Variants in CNTNAP5 observed in about 807,000 individuals in gnomAD.
The protein encoded by CNTNAP5 is contactin associated protein family member 5.
Under a neutral mutation model 150.2 loss-of-function variants are expected in CNTNAP5, and 72 were observed. That is an observed-to-expected ratio of 0.48 (90% CI 0.40 to 0.58). The LOEUF (loss-of-function observed/expected upper bound fraction) is 0.58, where lower values mean the gene tolerates loss of function less well. CNTNAP5 is among the 20% of genes least tolerant of loss of function. The probability of loss-of-function intolerance (pLI) is 0.00; values close to 1 mark genes in which losing one functional copy is unlikely to be tolerated. For synonymous variants in CNTNAP5, 672 were observed against 619.8 expected, an observed-to-expected ratio of 1.08 and a Z score of -1.25; for missense variants, 1,636 against 1,626.2, an observed-to-expected ratio of 1.01 and a Z score of -0.10.
At chr2:124,247,219 C>T (rs1009318034) in intron 3 of CNTNAP5, among the ~76,000 whole-genome samples, 2 of 152,028 alleles carry the variant, frequency 1.3e-5, no homozygotes, top group Non-Finnish European at 2.9e-5. Context: ...GTATTTTAAC[C>T]CTACCAATTT....
chr2:124,324,104 T>C (rs1052662038), intron 3 of CNTNAP5, among the ~76,000 whole-genome samples: 34 of 152,228 alleles, frequency 2.2e-4, no homozygotes, highest in Admixed American at 1.8e-3. Flanking sequence ...ATGGGTTAAG[T>C]ACTATGATGG....
At position 124,902,990 on chromosome 2, in the gene CNTNAP5, G is replaced by A. The variant is rs759819813; in HGVS notation, c.3545G>A (p.Arg1182His). Residue 1182 changes from arginine (R) to histidine (H), a missense_variant, in exon 22 of 24, where the codon CGC becomes CAC. Arg to His is a conservative substitution (Grantham distance 29). Transcript: ENST00000682447. ...NHIAPLKAAL[R>H]HATVAPVTVH... ...ATAGCACCACTGAAGGCTGCCCTGC[G>A]CCATGCCACTGTCGCGCCTGTGACT... is the stretch of plus-strand genomic sequence containing the variant. 14 of 1,612,346 alleles carry A rather than the reference G, an allele frequency of 8.7e-6. No individual in the cohort carries two copies. Among genetic ancestry groups the A allele is most frequent in the African/African-American group, 5.3e-5 (4 of 74,912 alleles).
At chr2:124,483,641 C>T (rs968117714) in intron 7 of CNTNAP5, among the ~76,000 whole-genome samples, 5 of 152,222 alleles carry the variant, frequency 3.3e-5, no homozygotes, top group African/African-American at 1.2e-4. Context: ...TTCAGACTCT[C>T]AGTTTCATAA....
At chr2:124,751,613 C>T (rs1480704909) in intron 14 of CNTNAP5, among the ~76,000 whole-genome samples, 1 of 152,142 alleles carries the variant, frequency 6.6e-6, no homozygotes, top group Non-Finnish European at 1.5e-5. Flanking sequence ...ACTGACTTTC[C>T]ACACGTTTCA....
chr2:124,148,961 C>A (rs1558775545), intron 1 of CNTNAP5, among the ~76,000 whole-genome samples: 2 of 151,910 alleles, frequency 1.3e-5, no homozygotes, highest in African/African-American at 4.8e-5. Flanking sequence ...CACACACACT[C>A]AAATATATAT....
intron 1 of CNTNAP5, among the ~76,000 whole-genome samples, chr2:124,152,536 A>G (rs1684430475): frequency 6.6e-6 from 1 of 152,186 alleles, no homozygotes; most frequent in African/African-American, 2.4e-5. Flanking sequence ...TATATGCTGT[A>G]TGAAATTAAA....
At chr2:124,139,449 T>A (rs890231394) in intron 1 of CNTNAP5, among the ~76,000 whole-genome samples, 1 of 151,782 alleles carries the variant, frequency 6.6e-6, no homozygotes, top group African/African-American at 2.4e-5. Context: ...AGCAGGAGAG[T>A]AGTTCGCACC....
intron 3 of CNTNAP5, among the ~76,000 whole-genome samples, chr2:124,408,607 C>T (rs924161510): frequency 4.6e-5 from 7 of 151,780 alleles, no homozygotes; most frequent in Non-Finnish European, 7.4e-5. Context: ...CTGGGAGGCA[C>T]CCCCCAGCAG....
chr2:124,108,120 G>A (rs140340134), intron 1 of CNTNAP5, among the ~76,000 whole-genome samples: 5 of 152,312 alleles, frequency 3.3e-5, no homozygotes, highest in African/African-American at 1.2e-4. Context: ...TCCTGCACCT[G>A]TGAAGATTAG....
chr2:124,057,471 T>TTTTA (rs1305604939), intron 1 of CNTNAP5, among the ~76,000 whole-genome samples: 1 of 137,798 alleles, frequency 7.3e-6, no homozygotes, highest in Non-Finnish European at 1.6e-5. Flanking sequence ...TTTTTTTTTT[T>TTTTA]AGTAGAGATG....
At chr2:124,720,975 A>G (rs956960423) in intron 13 of CNTNAP5, among the ~76,000 whole-genome samples, 2 of 152,126 alleles carry the variant, frequency 1.3e-5, no homozygotes, top group Admixed American at 6.6e-5. Flanking sequence ...ATGCTGGTCC[A>G]TGCTCTTTGG....
At chr2:124,124,146 A>G (rs1683631247) in intron 1 of CNTNAP5, among the ~76,000 whole-genome samples, 1 of 152,180 alleles carries the variant, frequency 6.6e-6, no homozygotes, top group Admixed American at 6.5e-5. Context: ...CCCACTGCAA[A>G]GAAGCTAAAA....
At chr2:124,796,965 C>T (rs759843460) in intron 18 of CNTNAP5, among the ~76,000 whole-genome samples, 26 of 152,292 alleles carry the variant, frequency 1.7e-4, no homozygotes, top group Middle Eastern at 3.4e-3. Context: ...AGCATTTGGA[C>T]AGATGAACAT....
At chr2:124,587,767 A>G (rs951068094) in intron 11 of CNTNAP5, among the ~76,000 whole-genome samples, 4 of 152,206 alleles carry the variant, frequency 2.6e-5, no homozygotes, top group African/African-American at 9.7e-5. Context: ...CTCAGGTGGT[A>G]AGATGATAAA....
chr2:124,396,192 A>T (rs573718217), intron 3 of CNTNAP5, among the ~76,000 whole-genome samples: 1 of 152,346 alleles, frequency 6.6e-6, no homozygotes, highest in East Asian at 1.9e-4. Context: ...CATTGTCAAC[A>T]ATGAGATCAG....
rs180806876 is a variant in CNTNAP5, at chr2:124,027,787, G to A, written c.82+2055G>A. Among the ~76,000 whole-genome samples the A allele has an allele frequency of 2.6e-3, 391 of 152,164 alleles. 3 individuals are homozygous for A. The South Asian group carries it at 0.028, about 11-fold the overall frequency. On this transcript the variant is annotated intron_variant, in intron 1 of 23. Transcript: ENST00000682447. ...GCTTGCTAAATATTTTGAAGTCAGCGTTCTTAAGGAATAATTATTAATGAT... is the reference window on the plus strand; with the variant it reads ...GCTTGCTAAATATTTTGAAGTCAGCATTCTTAAGGAATAATTATTAATGAT...
intron 6 of CNTNAP5, among the ~76,000 whole-genome samples, chr2:124,466,132 G>GTTTATTTA (rs1265640896): frequency 6.6e-6 from 1 of 151,934 alleles, no homozygotes; most frequent in East Asian, 1.9e-4. Flanking sequence ...TGCCCTCTTT[G>GTTTATTTA]TTTATTTATT....
At chr2:124,613,300 G>T (rs1387097157) in intron 12 of CNTNAP5, among the ~76,000 whole-genome samples, 1 of 152,146 alleles carries the variant, frequency 6.6e-6, no homozygotes, top group African/African-American at 2.4e-5. Flanking sequence ...AGAAGAAACA[G>T]AAGGAAACTT....
intron 2 of CNTNAP5, among the ~76,000 whole-genome samples, chr2:124,238,084 C>A (rs903008126): frequency 6.6e-6 from 1 of 152,074 alleles, no homozygotes; most frequent in Admixed American, 6.6e-5. Context: ...AACTGAGATA[C>A]TGGAAACAAT....
Sources: allele counts gnomAD v4.1 joint callset (sites outside exome capture counted in the v4.1 genomes callset), GRCh38; gene constraint gnomAD v4.1.1; transcripts MANE v1.5; gene names NCBI Gene and HGNC (gene_info 2026-07-23, HGNC 2026-07-21).